PPP3CA: variants seen among roughly 807,000 people sequenced by gnomAD.
PPP3CA encodes protein phosphatase 3 catalytic subunit alpha.
A neutral mutation model predicts 66.5 loss-of-function variants in PPP3CA; 14 were observed. The ratio of observed to expected loss-of-function variants is 0.21; its 90% CI spans 0.14 to 0.33. The LOEUF (loss-of-function observed/expected upper bound fraction) is 0.33. PPP3CA is among the 10% of genes least tolerant of loss of function. The probability of loss-of-function intolerance (pLI) is 1.00; values close to 1 mark genes in which losing one functional copy is unlikely to be tolerated. For missense variants in PPP3CA, 317 were observed against 639.5 expected (o/e 0.50, Z 5.44); for synonymous variants, 232 against 226.2 (o/e 1.03, Z -0.23).
intron 1 of PPP3CA, among the ~76,000 whole-genome samples, chr4:101,224,169 A>T (rs1303060067): frequency 6.6e-6 from 1 of 151,836 alleles, no homozygotes; most frequent in Non-Finnish European, 1.5e-5. Flanking sequence ...GGTGCTATTA[A>T]TAATTACACT....
intron 2 of PPP3CA, among the ~76,000 whole-genome samples, chr4:101,150,652 T>G (rs542078684): frequency 6.6e-6 from 1 of 152,296 alleles, no homozygotes; most frequent in African/African-American, 2.4e-5. Flanking sequence ...TTAACTGAAA[T>G]GAAAACATTG....
intron 1 of PPP3CA, among the ~76,000 whole-genome samples, chr4:101,258,424 T>C (rs1726911496): frequency 6.6e-6 from 1 of 152,108 alleles, no homozygotes; most frequent in Non-Finnish European, 1.5e-5. Context: ...AGTCTTCTTC[T>C]TGGACAAGAA....
chr4:101,058,757 AGG>A (rs1728332164), intron 10 of PPP3CA, among the ~76,000 whole-genome samples: 1 of 152,196 alleles, frequency 6.6e-6, no homozygotes, highest in Non-Finnish European at 1.5e-5. Flanking sequence ...AAGTAAGCAC[AGG>A]GTTAGTCTTG....
intron 1 of PPP3CA, among the ~76,000 whole-genome samples, chr4:101,266,452 C>A (rs1727172641): frequency 6.6e-6 from 1 of 152,110 alleles, no homozygotes; most frequent in Non-Finnish European, 1.5e-5. Flanking sequence ...ATGGTTACTA[C>A]TACATTATAA....
At chr4:101,177,147 T>C (rs534098361) in intron 2 of PPP3CA, among the ~76,000 whole-genome samples, 4 of 152,274 alleles carry the variant, frequency 2.6e-5, no homozygotes, top group African/African-American at 7.2e-5. Context: ...GGTTTTAAAA[T>C]GTTCAGGAAT....
At chr4:101,147,416 T>C (rs148464934) in intron 2 of PPP3CA, among the ~76,000 whole-genome samples, 1 of 152,166 alleles carries the variant, frequency 6.6e-6, no homozygotes, top group Admixed American at 6.5e-5. Flanking sequence ...CTGTCATGTA[T>C]GATCAAAGAA....
chr4:101,133,051 CCTT>C (rs57555950), intron 2 of PPP3CA, among the ~76,000 whole-genome samples: 81,386 of 151,332 alleles, frequency 0.54, 23,911 homozygotes, highest in African/African-American at 0.77. Context: ...ATTCAACACT[CCTT>C]CATGCTAAAA....
intron 1 of PPP3CA, among the ~76,000 whole-genome samples, chr4:101,225,458 T>C (rs1349929835): frequency 2.0e-5 from 3 of 151,872 alleles, no homozygotes; most frequent in Admixed American, 6.6e-5. Context: ...TTTACAAGCC[T>C]TGGTTACCAA....
chr4:101,137,349 C>T (rs933373978), intron 2 of PPP3CA, among the ~76,000 whole-genome samples: 7 of 151,810 alleles, frequency 4.6e-5, no homozygotes, highest in Admixed American at 2.6e-4. Context: ...TGAGTCATGC[C>T]CTGAAATACA....
intron 3 of PPP3CA, among the ~76,000 whole-genome samples, chr4:101,100,506 A>G (rs1037226863): frequency 6.6e-6 from 1 of 152,148 alleles, no homozygotes; most frequent in Non-Finnish European, 1.5e-5. Context: ...TGTAAAAATG[A>G]TGGTCAATTA....
intron 10 of PPP3CA, among the ~76,000 whole-genome samples, chr4:101,046,238 A>G (rs1578400595): frequency 6.6e-6 from 1 of 152,032 alleles, no homozygotes; most frequent in South Asian, 2.1e-4. Flanking sequence ...CATTTTTACA[A>G]CTGTAAGAAA....
At chr4:101,312,879 A>G (rs1347765429) in intron 1 of PPP3CA, among the ~76,000 whole-genome samples, 2 of 152,206 alleles carry the variant, frequency 1.3e-5, no homozygotes, top group African/African-American at 2.4e-5. Flanking sequence ...TGCAGGCAAA[A>G]CCAGCATCTT....
chr4:101,150,869 T>C lies in PPP3CA; in HGVS notation c.260-41791A>G, dbSNP rs532665555. On this transcript the variant is annotated intron_variant, in intron 2 of 13. Transcript: ENST00000394854. ...TACGACATATTATTTGGGGAAACAT[T>C]AGTTCAGTCTCCTAAAGTCCCAGTC... is the stretch of plus-strand genomic sequence containing the variant. Among the ~76,000 whole-genome samples the C allele has an allele frequency of 2.9e-3, 443 of 152,312 alleles. 3 individuals carry two copies. The highest frequency in any genetic ancestry group is 4.7e-3 in the Admixed American group (72 of 15,294).
intron 1 of PPP3CA, among the ~76,000 whole-genome samples, chr4:101,301,416 A>G (rs966258466): frequency 1.4e-4 from 21 of 147,680 alleles, no homozygotes; most frequent in Non-Finnish European, 2.8e-4. Context: ...TATGTATATT[A>G]AATTTATATA....
At chr4:101,307,454 G>A (rs983937206) in intron 1 of PPP3CA, among the ~76,000 whole-genome samples, 69 of 152,262 alleles carry the variant, frequency 4.5e-4, no homozygotes, top group African/African-American at 1.6e-3. Flanking sequence ...ACCATAGTTG[G>A]CTGACCTTAT....
chr4:101,320,490 G>A (rs992383882), intron 1 of PPP3CA, among the ~76,000 whole-genome samples: 8 of 104,484 alleles, frequency 7.7e-5, no homozygotes, highest in South Asian at 3.3e-4. Context: ...GTGTGTGTGT[G>A]TATACACACA....
intron 8 of PPP3CA, among the ~76,000 whole-genome samples, chr4:101,069,913 T>C (rs996691319): frequency 6.6e-6 from 1 of 152,190 alleles, no homozygotes; most frequent in Admixed American, 6.5e-5. Context: ...GTTAATTGAC[T>C]GTTTATGTTA....
intron 6 of PPP3CA, among the ~76,000 whole-genome samples, chr4:101,088,192 G>A (rs1040250983): frequency 1.3e-5 from 2 of 151,960 alleles, no homozygotes; most frequent in Admixed American, 6.6e-5. Flanking sequence ...TTATAATGAC[G>A]GCACTATTCA....
intron 6 of PPP3CA, among the ~76,000 whole-genome samples, chr4:101,090,891 C>G (rs62305890): frequency 2.2e-4 from 15 of 69,704 alleles, no homozygotes; most frequent in Admixed American, 1.1e-3. Context: ...TTATAATATA[C>G]ACACATATCT....
Sources: gnomAD v4.1 joint callset for allele counts (sites outside exome capture counted in the v4.1 genomes callset) on GRCh38, gnomAD v4.1.1 for gene constraint, MANE v1.5 for transcripts, NCBI Gene and HGNC (gene_info 2026-07-23, HGNC 2026-07-21) for gene names.